Variants in AKIRIN1 observed in about 807,000 individuals in gnomAD.
AKIRIN1 encodes the protein akirin 1, also known as akirin-1.
A neutral mutation model predicts 25.9 loss-of-function variants in AKIRIN1; 4 were observed. The observed-to-expected ratio is 0.15, with a 90% confidence interval of 0.08 to 0.35. The LOEUF is 0.35. Among genes scored for constraint, AKIRIN1 ranks in the 10% least tolerant of loss-of-function variants. AKIRIN1 has a pLI of 1.00. For synonymous variants in AKIRIN1, 125 were observed against 105.1 expected (o/e 1.19, Z -1.16); for missense variants, 243 against 266.1 (o/e 0.91, Z 0.61).
intron 2 of AKIRIN1, among the ~76,000 whole-genome samples, chr1:38,999,716 T>C (rs907944908): frequency 2.0e-5 from 3 of 152,196 alleles, no homozygotes; most frequent in Non-Finnish European, 2.9e-5. Flanking sequence ...GAAAAAAATA[T>C]CCTTGAGTTA....
chr1:39,004,526 AAAG>A lies in AKIRIN1; in HGVS notation c.*476_*478del, dbSNP rs1262112133. On this transcript the variant is annotated 3_prime_UTR_variant, in exon 5 of 5. Coordinates refer to ENST00000432648, the MANE Select transcript of AKIRIN1 (RefSeq NM_024595.3). The stretch of plus-strand genomic sequence containing the variant: ...TGGTAAAAAAACATTTGCTTGGTCT[AAAG>A]AAGATCATTAATGTTTTGTGACCAT... The A allele has an allele frequency of 7.8e-6, 2 of 255,568 alleles. No individual in the cohort carries two copies. Among genetic ancestry groups the A allele is most frequent in the Non-Finnish European group, 1.5e-5 (2 of 129,252 alleles). The allele number at this position is 255,568 out of a possible 1,614,324, so 15.8% of individuals were successfully genotyped here. A position where few individuals can be genotyped will look rare whatever the true frequency, so the allele number is the denominator to read the frequency against.
In AKIRIN1 at chr1:38,996,515, GT is replaced by G. The variant is rs1169768010; in HGVS notation, c.221-1649del. Among the ~76,000 whole-genome samples the G allele has an allele frequency of 4.7e-5, 7 of 148,832 alleles. No homozygotes were observed. The South Asian group carries it at 1.3e-3, about 27-fold the overall frequency. Reference sequence around the variant, plus strand: ...ACAGTGCCTGGCCCATAGCACTCTTGTTTTTTTGTTTTGTTTTTCTATTTTT... The same window carrying G: ...ACAGTGCCTGGCCCATAGCACTCTTGTTTTTTGTTTTGTTTTTCTATTTTT... On this transcript the variant is annotated intron_variant, in intron 1 of 4. Coordinates refer to ENST00000432648, the MANE Select transcript of AKIRIN1 (RefSeq NM_024595.3).
chr1:39,005,773 A>G lies in AKIRIN1; in HGVS notation c.*1718A>G, dbSNP rs2148071730. 1 of 152,344 alleles carries G rather than the reference A, an allele frequency of 6.6e-6. No individual in the cohort carries two copies. Among genetic ancestry groups the G allele is most frequent in the South Asian group, 2.1e-4 (1 of 4,830 alleles). The allele number at this position is 152,344 out of a possible 1,614,324, so 9.4% of individuals were successfully genotyped here. A position where few individuals can be genotyped will look rare whatever the true frequency, so the allele number is the denominator to read the frequency against. On this transcript the variant is annotated 3_prime_UTR_variant, in exon 5 of 5. Transcript: ENST00000432648. Reference sequence around the variant, plus strand: ...TATTCACATTCGAAGATTCCTTATTAATGAATGTCTTTGACTTAAATCTAA... The same window carrying G: ...TATTCACATTCGAAGATTCCTTATTGATGAATGTCTTTGACTTAAATCTAA...
chr1:38,991,508 C>A lies in AKIRIN1; in HGVS notation c.128C>A (p.Ala43Asp). The A allele has an allele frequency of 6.9e-7, 1 of 1,453,378 alleles. No individual in the cohort carries two copies. The highest frequency in any genetic ancestry group is 2.5e-5 in the Admixed American group (1 of 40,548). 90.0% of individuals were successfully genotyped at this position (1,453,378 alleles called of 1,614,324 possible). ...GPTPGLRPPD[A>D]EPPPPFQTQT... The stretch of plus-strand genomic sequence containing the variant: ...ACTCCGGGCCTCAGGCCCCCGGACG[C>A]CGAGCCGCCGCCGCCGTTTCAGACG... The change falls in exon 1 of 5, where the codon GCC becomes GAC. Residue 43 changes from alanine (A) to aspartate (D), a missense_variant. Physicochemically the swap from Ala to Asp is moderately radical, Grantham distance 126. This residue lies in a region of AKIRIN1 where 190 missense variants were observed against 174.4 expected (regional missense o/e 1.09). Coordinates refer to ENST00000432648, the MANE Select transcript of AKIRIN1 (RefSeq NM_024595.3).
chr1:39,003,476 C>T, intron 4 of AKIRIN1, 58 bp downstream of exon 4: 1 of 1,506,208 alleles, frequency 6.6e-7, no homozygotes, highest in Non-Finnish European at 9.2e-7. Flanking sequence ...AATTTCTACA[C>T]TGAAACTTCT....
At chr1:39,003,982 T>C in intron 4 of AKIRIN1, 63 bp from the exon 5 acceptor site, 1 of 1,465,278 alleles carries the variant, frequency 6.8e-7, no homozygotes, top group Non-Finnish European at 9.5e-7. Context: ...TGAAAATTTT[T>C]AAAGCATGAC....
At chr1:39,000,233 C>T (rs1643979084) in intron 2 of AKIRIN1, among the ~76,000 whole-genome samples, 1 of 152,010 alleles carries the variant, frequency 6.6e-6, no homozygotes, top group South Asian at 2.1e-4. Context: ...GATTTGTTCA[C>T]TTGCCAGCTC....
At chr1:38,995,203 C>T (rs765910755) in intron 1 of AKIRIN1, among the ~76,000 whole-genome samples, 1 of 152,060 alleles carries the variant, frequency 6.6e-6, no homozygotes, top group Non-Finnish European at 1.5e-5. Context: ...TCCAAAAAAC[C>T]CACAATTTAA....
At chr1:38,995,748 AC>A (rs1205553291) in intron 1 of AKIRIN1, among the ~76,000 whole-genome samples, 2 of 152,202 alleles carry the variant, frequency 1.3e-5, no homozygotes, top group South Asian at 4.1e-4. Context: ...ATCTTAAAAT[AC>A]AGGGGGCTAG....
In AKIRIN1 at chr1:39,001,005, T is replaced by G. The variant is rs778675052; in HGVS notation, c.395T>G (p.Phe132Cys). Residue 132 changes from phenylalanine to cysteine, a missense_variant, in exon 3 of 5, where the codon TTT (phenylalanine) becomes TGT (cysteine). By Grantham distance (205) the Phe-to-Cys change is radical (BLOSUM62 -2). Transcript: ENST00000432648. ...SSWMKKDQPT[F>C]TLRQVGIICE... ...TGGATGAAGAAGGACCAGCCCACAT[T>G]TACCCTCCGACAAGTTGGCATAATA... The G allele has an allele frequency of 6.2e-7, 1 of 1,613,434 alleles. No homozygotes were observed. The highest frequency in any genetic ancestry group is 8.5e-7 in the Non-Finnish European group (1 of 1,179,772).
rs1042830108 is a variant in AKIRIN1 at position 39,005,294 on chromosome 1, C to T, written c.*1239C>T. The T allele has an allele frequency of 4.3e-5, 6 of 141,072 alleles. No homozygotes were observed. The highest frequency in any genetic ancestry group is 1.5e-4 in the Admixed American group (2 of 13,388). 8.7% of individuals were successfully genotyped at this position (141,072 alleles called of 1,614,324 possible). On this transcript the variant is annotated 3_prime_UTR_variant, in exon 5 of 5. Coordinates refer to ENST00000432648, the MANE Select transcript of AKIRIN1 (RefSeq NM_024595.3). ...CTGCACTCCAGCCTGGGCAACAAAA[C>T]GAGACTTCGTCTCAAAAAAAAAAAA... is the stretch of plus-strand genomic sequence containing the variant.
In AKIRIN1 at chr1:38,991,587, C is replaced by T. The variant is rs1425398187; in HGVS notation, c.207C>T (p.Arg69=). 3 of 1,338,732 alleles carry T rather than the reference C, an allele frequency of 2.2e-6. No individual in the cohort carries two copies. In the East Asian group the frequency reaches 9.1e-5, roughly 41 times the overall value. The allele number at this position is 1,338,732 out of a possible 1,614,324, so 82.9% of individuals were successfully genotyped here. A position where few individuals can be genotyped will look rare whatever the true frequency, so the allele number is the denominator to read the frequency against. Residue 69 remains arginine (R), a synonymous_variant, in exon 1 of 5, where the codon CGC becomes CGT. Transcript: ENST00000432648. Reference sequence around the variant, plus strand: ...CCGCCCCGCCCGGCAGCGAGCGGCGCCTTCCAACTCCGGGTAACCTGCCCT... The same window carrying T: ...CCGCCCCGCCCGGCAGCGAGCGGCGTCTTCCAACTCCGGGTAACCTGCCCT... ...QQPAPPGSER[R]LPTPEQIFQN...
chr1:38,996,467 G>T (rs1180993820), intron 1 of AKIRIN1, among the ~76,000 whole-genome samples: 1 of 140,114 alleles, frequency 7.1e-6, no homozygotes, highest in Non-Finnish European at 1.6e-5. Context: ...GCCTTCCAAA[G>T]TGCTGGATTA....
At chr1:38,998,016 CTTGT>C (rs962881278) in intron 1 of AKIRIN1, among the ~76,000 whole-genome samples, 151 bp from the exon 2 acceptor site, 2 of 152,014 alleles carry the variant, frequency 1.3e-5, no homozygotes, top group African/African-American at 2.4e-5. Flanking sequence ...AAACGTTTTG[CTTGT>C]TTATGTCGGG....
chr1:38,991,946 G>A (rs1284708934), intron 1 of AKIRIN1, among the ~76,000 whole-genome samples: 1 of 145,650 alleles, frequency 6.9e-6, no homozygotes, highest in Non-Finnish European at 1.5e-5. Context: ...CAACCCTGCA[G>A]ATCCAGTGGG....
At chr1:38,991,655 G>A in intron 1 of AKIRIN1, 55 bp downstream of exon 1, 10 of 1,026,932 alleles carry the variant, frequency 9.7e-6, no homozygotes, top group Non-Finnish European at 1.1e-5. Flanking sequence ...ATTTTTTGGG[G>A]GGGGTGGTGG....
chr1:38,995,582 A>C (rs898368465), intron 1 of AKIRIN1, among the ~76,000 whole-genome samples: 12 of 152,194 alleles, frequency 7.9e-5, no homozygotes, highest in Non-Finnish European at 1.5e-4. Flanking sequence ...CCACCCTCAA[A>C]ATTGTATCTT....
At position 39,004,052 on chromosome 1, in the gene AKIRIN1, A is replaced by G. The variant is rs758950731; in HGVS notation, c.576A>G (p.Ser192=). The change falls in exon 5 of 5, where the codon TCA becomes TCG. Residue 192 remains serine (S), a synonymous_variant. Transcript: ENST00000432648. ...RYGTRPTSYV[S] ...TTTATTCTTAATTTACAGATGTGTC[A>G]TGAAGCTTTGTCACATATCTGGGTA... 2.5e-6 allele frequency: 4 copies of G among 1,611,304 alleles called. No homozygotes were observed. Among genetic ancestry groups the G allele is most frequent in the Admixed American group, 1.7e-5 (1 of 60,006 alleles).
chr1:39,000,106 A>G (rs1436748026), intron 2 of AKIRIN1, among the ~76,000 whole-genome samples: 1 of 150,892 alleles, frequency 6.6e-6, no homozygotes, highest in Non-Finnish European at 1.5e-5. Context: ...CTGGTCTCGA[A>G]CTCCTGACCT....
Sources: gnomAD v4.1 joint callset for allele counts (sites outside exome capture counted in the v4.1 genomes callset) on GRCh38, gnomAD v4.1.1 for gene constraint, gnomAD v4.1.1 regional missense constraint, MANE v1.5 for transcripts, NCBI Gene and HGNC (gene_info 2026-07-23, HGNC 2026-07-21) for gene names.